Variants in TYW1 observed in about 807,000 individuals in gnomAD.
TYW1 encodes S-adenosyl-L-methionine-dependent tRNA 4-demethylwyosine synthase TYW1.
A neutral mutation model predicts 96.2 loss-of-function variants in TYW1; 46 were observed. That is an observed-to-expected ratio of 0.48 (90% CI 0.38 to 0.61). The LOEUF (loss-of-function observed/expected upper bound fraction) is 0.61, where lower values mean the gene tolerates loss of function less well. Ranked by LOEUF, TYW1 falls within the 20% of genes least tolerant of loss-of-function variation. The probability of loss-of-function intolerance (pLI) is 0.00; values close to 1 mark genes in which losing one functional copy is unlikely to be tolerated. For missense variants in TYW1, 684 were observed against 909.6 expected, an observed-to-expected ratio of 0.75 and a Z score of 3.19; for synonymous variants, 274 against 323.0, an observed-to-expected ratio of 0.85 and a Z score of 1.63.
rs183356137 is a variant in TYW1 at position 67,166,425 on chromosome 7, C to T, written c.1699-16701C>T. The stretch of plus-strand genomic sequence containing the variant: ...TATACCATACACACAGAAAAGGGCA[C>T]AGATCTTACATGAACTGCTGGATGA... On this transcript the variant is annotated intron_variant, in intron 13 of 15. Transcript: ENST00000359626. Among the ~76,000 whole-genome samples, 466 of 149,202 alleles carry T rather than the reference C, an allele frequency of 3.1e-3. 2 individuals are homozygous for T. The highest frequency in any genetic ancestry group is 3.6e-3 in the Non-Finnish European group (244 of 67,376).
rs543427190 is a variant in TYW1 at position 67,238,706 on chromosome 7, C to T, written c.*177C>T. On this transcript the variant is annotated 3_prime_UTR_variant, in exon 16 of 16. Coordinates refer to ENST00000359626, the MANE Select transcript of TYW1 (RefSeq NM_018264.4). ...AGCGTCCACACTCAGAGGGCCTGGG[C>T]CACAGCCCCGATGTTTCTTTTCAGA... The T allele has an allele frequency of 7.0e-7, 1 of 1,428,102 alleles. No individual in the cohort carries two copies. Among genetic ancestry groups the T allele is most frequent in the African/African-American group, 1.4e-5 (1 of 69,496 alleles). 88.5% of individuals were successfully genotyped at this position (1,428,102 alleles called of 1,614,324 possible).
At chr7:67,199,644 T>C (rs925281967) in intron 15 of TYW1, among the ~76,000 whole-genome samples, 2 of 152,222 alleles carry the variant, frequency 1.3e-5, no homozygotes, top group Admixed American at 1.3e-4. Context: ...TATATGTTTA[T>C]TTATCAGTAC....
rs370766850 is a variant in TYW1 at position 67,003,243 on chromosome 7, A to G, written c.273+4289A>G. The stretch of plus-strand genomic sequence containing the variant: ...CTCTACTTGTAATCCTTACAATTTC[A>G]GTAAATGACAACTTTATCCTTCCAA... On this transcript the variant is annotated intron_variant, in intron 3 of 15. Coordinates refer to ENST00000359626, the MANE Select transcript of TYW1 (RefSeq NM_018264.4). Among the ~76,000 whole-genome samples, 24 of 152,332 alleles carry G rather than the reference A, an allele frequency of 1.6e-4. No homozygotes were observed. In the East Asian group the frequency reaches 3.5e-3, roughly 22 times the overall value.
chr7:67,096,287 G>A (rs1235359413), intron 11 of TYW1, among the ~76,000 whole-genome samples: 1 of 152,224 alleles, frequency 6.6e-6, no homozygotes, highest in East Asian at 1.9e-4. Flanking sequence ...CTACTCGGGA[G>A]GCTGAGGCAG....
Position 67,063,792 on chromosome 7 carries a change from C to T in TYW1, c.1156-3493C>T, listed in dbSNP as rs1277583401. Among the ~76,000 whole-genome samples, 14 of 151,948 alleles carry T rather than the reference C, an allele frequency of 9.2e-5. No individual in the cohort carries two copies. In the East Asian group the frequency reaches 9.7e-4, roughly 10 times the overall value. On this transcript the variant is annotated intron_variant, in intron 9 of 15. Coordinates refer to ENST00000359626, the MANE Select transcript of TYW1 (RefSeq NM_018264.4). ...CTAATTTTTGTATTTTTAGTAGAGA[C>T]GGGGTTTCACCATGTTAGCCAGGAT...
chr7:67,139,763 G>GTGTGTGTGTGTT (rs1554374336), intron 13 of TYW1, among the ~76,000 whole-genome samples: 1 of 150,780 alleles, frequency 6.6e-6, no homozygotes, highest in Non-Finnish European at 1.5e-5. Flanking sequence ...GTGTGTGTGT[G>GTGTGTGTGTGTT]TGTGTGTGTA....
At chr7:67,135,740 T>C (rs11765283) in intron 13 of TYW1, among the ~76,000 whole-genome samples, 42,061 of 151,960 alleles carry the variant, frequency 0.28, 6,667 homozygotes, top group African/African-American at 0.44. Context: ...ATCCACCCTG[T>C]CCAGGTATGG....
chr7:67,231,034 A>T, intron 15 of TYW1, among the ~76,000 whole-genome samples: 1 of 152,036 alleles, frequency 6.6e-6, no homozygotes, highest in East Asian at 1.9e-4. Flanking sequence ...CCACCCTCCT[A>T]ACATACACAT....
At chr7:67,236,741 GCT>G (rs1801902190) in intron 15 of TYW1, among the ~76,000 whole-genome samples, 2 of 152,100 alleles carry the variant, frequency 1.3e-5, no homozygotes, top group African/African-American at 4.8e-5. Flanking sequence ...CCCCTAGAAA[GCT>G]CTTAGCTAGT....
At chr7:67,018,208 C>G (rs1425920563) in intron 6 of TYW1, 65 bp downstream of exon 6, 1 of 1,558,404 alleles carries the variant, frequency 6.4e-7, no homozygotes. Flanking sequence ...CGAGCTTGAC[C>G]TCTTTCTCAA....
intron 12 of TYW1, among the ~76,000 whole-genome samples, chr7:67,109,352 A>C (rs1231959611): frequency 6.6e-6 from 1 of 151,726 alleles, no homozygotes; most frequent in Non-Finnish European, 1.5e-5. Context: ...TGTGGGTTGG[A>C]TGTCAGCAGA....
chr7:67,082,415 A>G (rs1218667989), intron 10 of TYW1, among the ~76,000 whole-genome samples: 3 of 152,154 alleles, frequency 2.0e-5, no homozygotes, highest in Non-Finnish European at 4.4e-5. Context: ...TGTGGTTCCT[A>G]TGAGTGCCTC....
chr7:67,148,495 G>A lies in TYW1; in HGVS notation c.1698+30877G>A, dbSNP rs555728615. ...GGCTGGAGTGCAGTGGCGTGATCTC[G>A]GCTCACTGCAAGCTCCGCCCCCCGG... On this transcript the variant is annotated intron_variant, in intron 13 of 15. Coordinates refer to ENST00000359626, the MANE Select transcript of TYW1 (RefSeq NM_018264.4). Among the ~76,000 whole-genome samples the A allele has an allele frequency of 6.7e-3, 930 of 139,668 alleles. 13 individuals carry two copies. Among genetic ancestry groups the A allele is most frequent in the Middle Eastern group, 9.3e-3 (2 of 216 alleles). The allele number at this position is 139,668 out of a possible 152,430, so 91.6% of individuals were successfully genotyped here.
chr7:67,010,726 C>T (rs749630038), intron 4 of TYW1, among the ~76,000 whole-genome samples: 7 of 151,712 alleles, frequency 4.6e-5, no homozygotes, highest in East Asian at 3.9e-4. Context: ...CCGCCTGCCT[C>T]GGCCTCCCAA....
At position 67,040,309 on chromosome 7, in the gene TYW1, C is replaced by T. The variant is rs112830597; in HGVS notation, c.985-9640C>T. Among the ~76,000 whole-genome samples, 35 of 152,164 alleles carry T rather than the reference C, an allele frequency of 2.3e-4. 2 individuals are homozygous for T. Among genetic ancestry groups the T allele is most frequent in the African/African-American group, 8.4e-4 (35 of 41,514 alleles). Reference sequence around the variant, plus strand: ...TAGAGTTGGTCATTTGATGTGCTTTCAAGTTTTCTGCTCTTATAATTAACA... The same window carrying T: ...TAGAGTTGGTCATTTGATGTGCTTTTAAGTTTTCTGCTCTTATAATTAACA... On this transcript the variant is annotated intron_variant, in intron 7 of 15. Transcript: ENST00000359626.
intron 3 of TYW1, among the ~76,000 whole-genome samples, chr7:67,000,465 A>T (rs1278893466): frequency 4.0e-5 from 6 of 151,536 alleles, no homozygotes; most frequent in Non-Finnish European, 8.8e-5. Context: ...CATCTAGTTA[A>T]TTTTTGTATT....
chr7:67,043,251 A>C (rs1162838398), intron 7 of TYW1, among the ~76,000 whole-genome samples: 1 of 152,118 alleles, frequency 6.6e-6, no homozygotes, highest in Non-Finnish European at 1.5e-5. Context: ...TCAGAAGAGA[A>C]GCTGTAGTGT....
At chr7:67,185,573 T>A (rs182953921) in intron 14 of TYW1, among the ~76,000 whole-genome samples, 14 of 152,338 alleles carry the variant, frequency 9.2e-5, no homozygotes, top group African/African-American at 3.4e-4. Flanking sequence ...ATGGTGAAAC[T>A]GTTTGCTGAG....
rs894142547 is a variant in TYW1, at chr7:67,010,128, A to G, written c.375+444A>G. Among the ~76,000 whole-genome samples, 28 of 151,634 alleles carry G rather than the reference A, an allele frequency of 1.8e-4. No individual in the cohort carries two copies. The East Asian group carries it at 4.5e-3, about 24-fold the overall frequency. ...TCCCAAGTAGCTGGGATTTACAGGC[A>G]TGCACCACCATGCCCAGCTAATTTT... On this transcript the variant is annotated intron_variant, in intron 4 of 15. Coordinates refer to ENST00000359626, the MANE Select transcript of TYW1 (RefSeq NM_018264.4).
Sources: gnomAD v4.1 joint callset for allele counts (sites outside exome capture counted in the v4.1 genomes callset) on GRCh38, gnomAD v4.1.1 for gene constraint, MANE v1.5 for transcripts, NCBI Gene and HGNC (gene_info 2026-07-23, HGNC 2026-07-21) for gene names.